Variants in SLC16A7 observed in about 807,000 individuals in gnomAD.
The protein encoded by SLC16A7 is solute carrier family 16 member 7.
A neutral mutation model predicts 34.9 loss-of-function variants in SLC16A7; 33 were observed. The observed-to-expected ratio is 0.94, with a 90% CI of 0.72 to 1.26. SLC16A7 has a LOEUF of 1.26. Among genes scored for constraint, SLC16A7 ranks in the 50% most tolerant of loss-of-function variants. SLC16A7 has a pLI of 0.00. For synonymous variants in SLC16A7, 201 were observed against 206.6 expected (o/e 0.97, Z 0.23); for missense variants, 573 against 578.1 (o/e 0.99, Z 0.09).
chr12:59,619,935 C>G (rs559673213), intron 1 of SLC16A7, among the ~76,000 whole-genome samples: 2 of 152,084 alleles, frequency 1.3e-5, no homozygotes, highest in East Asian at 3.9e-4. Flanking sequence ...ATCCAAGGCA[C>G]TGAGGCTTTA....
intron 3 of SLC16A7, among the ~76,000 whole-genome samples, chr12:59,726,776 C>T (rs1264181846): frequency 1.3e-5 from 2 of 151,992 alleles, no homozygotes; most frequent in Non-Finnish European, 2.9e-5. Flanking sequence ...GACGTTGCAA[C>T]CTCAACTAAG....
At chr12:59,772,718 C>T (rs1882353592) in intron 4 of SLC16A7, among the ~76,000 whole-genome samples, 1 of 151,974 alleles carries the variant, frequency 6.6e-6, no homozygotes, top group African/African-American at 2.4e-5. Context: ...AATAATAGCT[C>T]TTTTTAAAGG....
chr12:59,600,724 G>A (rs754925438), intron 1 of SLC16A7, among the ~76,000 whole-genome samples: 4 of 152,162 alleles, frequency 2.6e-5, no homozygotes, highest in Non-Finnish European at 5.9e-5. Flanking sequence ...AATTGGAGCT[G>A]ACTATAATAA....
intron 3 of SLC16A7, among the ~76,000 whole-genome samples, chr12:59,730,164 C>T (rs1876763990): frequency 1.3e-5 from 2 of 150,724 alleles, no homozygotes; most frequent in Admixed American, 6.6e-5. Context: ...TTATTGCTAA[C>T]ATATTTCCTC....
At chr12:59,739,770 A>T (rs61933794) in intron 3 of SLC16A7, among the ~76,000 whole-genome samples, 18,393 of 151,672 alleles carry the variant, frequency 0.12, 1,469 homozygotes, top group African/African-American at 0.22. Flanking sequence ...ATTGTGGTTT[A>T]GATTTGCATT....
At position 59,709,216 on chromosome 12, in the gene SLC16A7, A is replaced by G. The variant is rs143161488; in HGVS notation, c.217+4198A>G. On this transcript the variant is annotated intron_variant, in intron 3 of 5. Coordinates refer to ENST00000547379, the MANE Select transcript of SLC16A7 (RefSeq NM_001270623.2). Reference sequence around the variant, plus strand: ...GAGTACTTTATATGACTTTTCTGGTAAAAATCTATTCTGACTTGGAAGAAT... The same window carrying G: ...GAGTACTTTATATGACTTTTCTGGTGAAAATCTATTCTGACTTGGAAGAAT... Among the ~76,000 whole-genome samples, 223 of 151,774 alleles carry G rather than the reference A, an allele frequency of 1.5e-3. 10 individuals are homozygous for G. Among genetic ancestry groups the G allele is most frequent in the Middle Eastern group, 6.8e-3 (2 of 294 alleles).
At chr12:59,623,181 G>A (rs941095491) in intron 1 of SLC16A7, among the ~76,000 whole-genome samples, 5 of 150,836 alleles carry the variant, frequency 3.3e-5, no homozygotes, top group South Asian at 2.1e-4. Flanking sequence ...TCTCATGGTC[G>A]AAATCACCAA....
intron 3 of SLC16A7, among the ~76,000 whole-genome samples, chr12:59,752,946 A>G (rs1023663345): frequency 6.6e-6 from 1 of 152,248 alleles, no homozygotes; most frequent in African/African-American, 2.4e-5. Flanking sequence ...GTGGAGGCCA[A>G]TATTCAACAT....
intron 3 of SLC16A7, among the ~76,000 whole-genome samples, chr12:59,754,982 T>C (rs1880124121): frequency 6.6e-6 from 1 of 152,170 alleles, no homozygotes; most frequent in Non-Finnish European, 1.5e-5. Flanking sequence ...TAATCCAGCA[T>C]ATAAACAGAA....
chr12:59,749,628 T>A (rs1592634676), intron 3 of SLC16A7, among the ~76,000 whole-genome samples: 1 of 152,176 alleles, frequency 6.6e-6, no homozygotes, highest in East Asian at 1.9e-4. Context: ...CATGGATGTT[T>A]GGAAGAATTA....
At chr12:59,691,644 T>C (rs1278903129) in intron 2 of SLC16A7, among the ~76,000 whole-genome samples, 1 of 152,052 alleles carries the variant, frequency 6.6e-6, no homozygotes, top group Non-Finnish European at 1.5e-5. Flanking sequence ...TTTCTGTGTA[T>C]ACAATTTAAA....
At chr12:59,602,061 A>G (rs1487360410) in intron 1 of SLC16A7, among the ~76,000 whole-genome samples, 1 of 152,242 alleles carries the variant, frequency 6.6e-6, no homozygotes, top group Non-Finnish European at 1.5e-5. Flanking sequence ...ATGGTGATCC[A>G]TATGGTTGAA....
intron 1 of SLC16A7, among the ~76,000 whole-genome samples, chr12:59,609,943 G>T (rs1420857203): frequency 6.6e-6 from 1 of 152,088 alleles, no homozygotes; most frequent in African/African-American, 2.4e-5. Context: ...CAGTTACAGA[G>T]TTTTTACAGC....
intron 2 of SLC16A7, among the ~76,000 whole-genome samples, chr12:59,693,574 A>G (rs1340346372): frequency 2.0e-5 from 3 of 152,034 alleles, no homozygotes; most frequent in South Asian, 2.1e-4. Flanking sequence ...TCACTCTTGT[A>G]AACAGTGATA....
rs564659691 is a variant in SLC16A7, at chr12:59,756,643, T to C, written c.218-14576T>C. Among the ~76,000 whole-genome samples, 94 of 145,940 alleles carry C rather than the reference T, an allele frequency of 6.4e-4. 2 individuals are homozygous for C. The highest frequency in any genetic ancestry group is 2.4e-3 in the African/African-American group (89 of 37,642). On this transcript the variant is annotated intron_variant, in intron 3 of 5. Transcript: ENST00000547379. The stretch of plus-strand genomic sequence containing the variant: ...GAGGATGTGGAGAAATAGAAACACT[T>C]CTACACTGTTGGTGGGACTGTAAAC...
intron 2 of SLC16A7, among the ~76,000 whole-genome samples, chr12:59,686,498 G>T (rs1871175447): frequency 6.6e-6 from 1 of 152,002 alleles, no homozygotes; most frequent in Non-Finnish European, 1.5e-5. Flanking sequence ...TGGATATTGA[G>T]TCATCTTAAT....
chr12:59,675,072 C>A (rs1870197385), intron 2 of SLC16A7, among the ~76,000 whole-genome samples: 1 of 152,162 alleles, frequency 6.6e-6, no homozygotes, highest in Non-Finnish European at 1.5e-5. Flanking sequence ...CTGTCATTAT[C>A]CAGCAGGCTA....
Position 59,779,617 on chromosome 12 carries a change from G to A in SLC16A7, c.1375G>A (p.Asp459Asn). ...CTTGAGCAAATCTAAACATTCGGAA[G>A]ATGTTAACGTCAAAGTTTCAAATGC... The part of the protein sequence containing the change: ...EPLSKSKHSE[D>N]VNVKVSNAQS... Residue 459 changes from aspartate (D) to asparagine (N), a missense_variant, in exon 6 of 6, where the codon GAT becomes AAT. Asp to Asn is a conservative substitution (Grantham distance 23, BLOSUM62 1). Transcript: ENST00000547379. 6.2e-7 allele frequency: 1 copy of A among 1,611,216 alleles called. No individual in the cohort carries two copies. Among genetic ancestry groups the A allele is most frequent in the African/African-American group, 1.3e-5 (1 of 74,944 alleles).
chr12:59,673,482 G>GT (rs34956184), intron 2 of SLC16A7, among the ~76,000 whole-genome samples: 29,449 of 139,956 alleles, frequency 0.21, 2,955 homozygotes, highest in Admixed American at 0.23. Context: ...CAGCAAACAT[G>GT]TTTTTTTTTT....
Sources: allele counts gnomAD v4.1 joint callset (sites outside exome capture counted in the v4.1 genomes callset), GRCh38; gene constraint gnomAD v4.1.1; transcripts MANE v1.5; gene names NCBI Gene and HGNC (gene_info 2026-07-23, HGNC 2026-07-21).